CEP43: variants seen among roughly 807,000 people sequenced by gnomAD.
The protein encoded by CEP43 is centrosomal protein 43.
CEP43 carries 36 observed loss-of-function variants against 52.6 expected under a neutral mutation model. The observed-to-expected ratio is 0.68, with a 90% CI of 0.52 to 0.90. The LOEUF (loss-of-function observed/expected upper bound fraction) is 0.90, where lower values mean the gene tolerates loss of function less well. Among genes scored for constraint, CEP43 ranks in the 40% least tolerant of loss-of-function variants. The pLI, the probability that CEP43 is intolerant of heterozygous loss-of-function variation, is 0.00. For missense variants in CEP43, 506 were observed against 472.8 expected (o/e 1.07, Z -0.65); for synonymous variants, 192 against 172.4 (o/e 1.11, Z -0.89).
Position 167,022,561 on chromosome 6 carries a change from T to C in CEP43, c.732T>C (p.Cys244=). The change falls in exon 8 of 13, where the codon TGT becomes TGC. Residue 244 remains cysteine, a synonymous_variant. Coordinates refer to ENST00000366847, the MANE Select transcript of CEP43 (RefSeq NM_007045.4). The part of the protein sequence containing the change: ...TLDGKDKAGL[C]PDEDDMEGDS... The stretch of plus-strand genomic sequence containing the variant: ...ATGGCAAAGACAAAGCTGGCCTTTG[T>C]CCAGATGAAGATGATATGGAAGGAG... The C allele has an allele frequency of 6.2e-7, 1 of 1,614,074 alleles. No homozygotes were observed. Among genetic ancestry groups the C allele is most frequent in the South Asian group, 1.1e-5 (1 of 91,080 alleles).
At chr6:167,033,370 A>G (rs187179666) in intron 11 of CEP43, among the ~76,000 whole-genome samples, 3 of 152,184 alleles carry the variant, frequency 2.0e-5, no homozygotes, top group African/African-American at 7.2e-5. Flanking sequence ...GGGCCTCCCA[A>G]AGTGCTGGGA....
chr6:167,007,564 GTA>G (rs1779883282), intron 5 of CEP43, among the ~76,000 whole-genome samples: 1 of 152,112 alleles, frequency 6.6e-6, no homozygotes, highest in Admixed American at 6.5e-5. Flanking sequence ...CCTCAAAGAT[GTA>G]TGTTTTGGCC....
intron 10 of CEP43, chr6:167,027,955 C>G (rs1780389716): frequency 2.0e-6 from 2 of 986,126 alleles, no homozygotes; most frequent in African/African-American, 3.5e-5. Context: ...GTGCTGCCAT[C>G]TGCTCTTTGT....
At chr6:167,019,299 G>A (rs189167426) in intron 7 of CEP43, among the ~76,000 whole-genome samples, 95 of 145,408 alleles carry the variant, frequency 6.5e-4, no homozygotes, top group Non-Finnish European at 9.1e-4. Context: ...CTGTGCACAC[G>A]CGTACACCTG....
At chr6:167,010,408 G>A (rs957160209) in intron 5 of CEP43, among the ~76,000 whole-genome samples, 1 of 152,152 alleles carries the variant, frequency 6.6e-6, no homozygotes, top group African/African-American at 2.4e-5. Flanking sequence ...TTGTTATTTG[G>A]TATTTTTTCT....
chr6:167,036,411 C>G, intron 12 of CEP43: 1 of 985,356 alleles, frequency 1.0e-6, no homozygotes. Flanking sequence ...AGAGGATGAA[C>G]TAGGAGCAGA....
chr6:167,045,740 C>T lies in CEP43; in HGVS notation c.*5762C>T, dbSNP rs1001822153. 6.6e-6 allele frequency: 1 copy of T among 151,746 alleles called. No homozygotes were observed. Among genetic ancestry groups the T allele is most frequent in the Non-Finnish European group, 1.5e-5 (1 of 67,716 alleles). 9.4% of individuals were successfully genotyped at this position (151,746 alleles called of 1,614,324 possible). A position where few individuals can be genotyped will look rare whatever the true frequency, so the allele number is the denominator to read the frequency against. On this transcript the variant is annotated 3_prime_UTR_variant, in exon 13 of 13. Transcript: ENST00000366847. ...ACAGAGCGAGACTCCGTCTCAAAAA[C>T]AACAACAACAACGAAAAAACGATTT... is the stretch of plus-strand genomic sequence containing the variant.
At chr6:167,020,715 C>T (rs162287) in intron 7 of CEP43, among the ~76,000 whole-genome samples, 42,118 of 151,918 alleles carry the variant, frequency 0.28, 6,788 homozygotes, top group Admixed American at 0.43. Flanking sequence ...TCGAGACCAG[C>T]GTGGCCAACA....
intron 12 of CEP43, chr6:167,036,406 A>G (rs1305843925): frequency 4.1e-6 from 4 of 985,232 alleles, no homozygotes; most frequent in East Asian, 1.1e-4. Flanking sequence ...ATGACAGAGG[A>G]TGAACTAGGA....
chr6:167,023,984 G>T (rs1031501660), intron 8 of CEP43, among the ~76,000 whole-genome samples: 1 of 152,136 alleles, frequency 6.6e-6, no homozygotes, highest in African/African-American at 2.4e-5. Flanking sequence ...GCTGAAAAAC[G>T]TGTTTAGGTG....
chr6:167,019,452 T>A (rs1780177496), intron 7 of CEP43, among the ~76,000 whole-genome samples: 1 of 152,186 alleles, frequency 6.6e-6, no homozygotes, highest in South Asian at 2.1e-4. Context: ...AATAGTGAAG[T>A]TTATTTGGAA....
chr6:167,050,645 T>A lies in CEP43; in HGVS notation c.*10667T>A, dbSNP rs1582967426. 1 of 151,904 alleles carries A rather than the reference T, an allele frequency of 6.6e-6. No individual in the cohort carries two copies. Among genetic ancestry groups the A allele is most frequent in the Non-Finnish European group, 1.5e-5 (1 of 67,980 alleles). 9.4% of individuals were successfully genotyped at this position (151,904 alleles called of 1,614,324 possible). A position where few individuals can be genotyped will look rare whatever the true frequency, so the allele number is the denominator to read the frequency against. On this transcript the variant is annotated 3_prime_UTR_variant, in exon 13 of 13. Coordinates refer to ENST00000366847, the MANE Select transcript of CEP43 (RefSeq NM_007045.4). ...TACAAAAATTAGTCAGGTGTGGCAG[T>A]GCGTGCCCGCCTATAGTCCCATCTA...
intron 12 of CEP43, among the ~76,000 whole-genome samples, chr6:167,034,395 T>C (rs1780540015): frequency 6.6e-6 from 1 of 152,230 alleles, no homozygotes. Context: ...CAAGCCAGAC[T>C]GGGCTAAAAT....
At position 167,025,427 on chromosome 6, in the gene CEP43, C is replaced by T. The variant is rs370819325; in HGVS notation, c.919+533C>T. Among the ~76,000 whole-genome samples, 53 of 152,326 alleles carry T rather than the reference C, an allele frequency of 3.5e-4. No individual in the cohort carries two copies. In the South Asian group the frequency reaches 0.01, roughly 30 times the overall value. On this transcript the variant is annotated intron_variant, in intron 9 of 12. Transcript: ENST00000366847. ...AGTTACTTTCCCACCTCTCCCCACA[C>T]ACAGTGATAGGAATTTAAAAAGCAT... is the stretch of plus-strand genomic sequence containing the variant.
At chr6:167,018,491 A>G (rs1460386707) in intron 7 of CEP43, among the ~76,000 whole-genome samples, 1 of 152,110 alleles carries the variant, frequency 6.6e-6, no homozygotes. Flanking sequence ...TCCTGGTTCA[A>G]GCGATTCTCC....
chr6:167,024,346 C>T (rs758635249), intron 8 of CEP43, among the ~76,000 whole-genome samples: 1 of 152,118 alleles, frequency 6.6e-6, no homozygotes, highest in Non-Finnish European at 1.5e-5. Flanking sequence ...TAAAGGTCCC[C>T]TTGAGGTTAG....
rs1316877262 is a variant in CEP43 at position 167,034,001 on chromosome 6, C to T, written c.1125+30C>T. The T allele has an allele frequency of 3.4e-6, 3 of 883,832 alleles. No individual in the cohort carries two copies. In the African/African-American group the frequency reaches 5.4e-5, roughly 16 times the overall value. 54.7% of individuals were successfully genotyped at this position (883,832 alleles called of 1,614,324 possible). A position where few individuals can be genotyped will look rare whatever the true frequency, so the allele number is the denominator to read the frequency against. ...GGTGTTCTGCATTTCCCATAGAGTG[C>T]TTTTTTTTTTTAACCTATTTGTCGA... On this transcript the variant is annotated intron_variant, in intron 12 of 12. Transcript: ENST00000366847.
intron 10 of CEP43, chr6:167,028,262 T>C (rs1780395122): frequency 2.0e-6 from 2 of 985,370 alleles, no homozygotes; most frequent in South Asian, 4.7e-5. Context: ...TGTTTCTGAG[T>C]GGGGAGCTGC....
chr6:167,044,392 TC>T lies in CEP43; in HGVS notation c.*4415del. 1.0e-6 allele frequency: 1 copy of T among 985,226 alleles called. No homozygotes were observed. Among genetic ancestry groups the T allele is most frequent in the Non-Finnish European group, 1.2e-6 (1 of 829,856 alleles). The allele number at this position is 985,226 out of a possible 1,614,324, so 61.0% of individuals were successfully genotyped here. A position where few individuals can be genotyped will look rare whatever the true frequency, so the allele number is the denominator to read the frequency against. On this transcript the variant is annotated 3_prime_UTR_variant, in exon 13 of 13. Transcript: ENST00000366847. Reference sequence around the variant, plus strand: ...AAGCTCAAAGGCAATTTCAAAGAAATCTTTATGTTTAGCAAGAAGACCAAGA... The same window carrying T: ...AAGCTCAAAGGCAATTTCAAAGAAATTTTATGTTTAGCAAGAAGACCAAGA...
Sources: gnomAD v4.1 joint callset for allele counts (sites outside exome capture counted in the v4.1 genomes callset) on GRCh38, gnomAD v4.1.1 for gene constraint, MANE v1.5 for transcripts, NCBI Gene and HGNC (gene_info 2026-07-23, HGNC 2026-07-21) for gene names.